The following ZNF362 variants were observed in gnomAD, a reference collection of about 807,000 sequenced individuals.
ZNF362 encodes rotund homolog.
A neutral mutation model predicts 42.9 loss-of-function variants in ZNF362; 11 were observed. The ratio of observed to expected loss-of-function variants is 0.26; its 90% confidence interval spans 0.16 to 0.42. The LOEUF (loss-of-function observed/expected upper bound fraction) is 0.42, where lower values mean the gene tolerates loss of function less well. Ranked by LOEUF, ZNF362 falls within the 20% of genes least tolerant of loss-of-function variation. ZNF362 has a pLI of 1.00. For missense variants in ZNF362, 362 were observed against 576.2 expected, an observed-to-expected ratio of 0.63 and a Z score of 3.81; for synonymous variants, 255 against 257.3, an observed-to-expected ratio of 0.99 and a Z score of 0.09.
the ZNF362 span, among the ~76,000 whole-genome samples, chr1:33,205,135 TTG>T: frequency 2.7e-4 from 41 of 151,170 alleles, no homozygotes; most frequent in Admixed American, 6.6e-4. Context: ...CTGTGTGTTT[TTG>T]TGTGTGTGTG....
At chr1:33,174,009 T>C in the ZNF362 span, among the ~76,000 whole-genome samples, 23 of 152,090 alleles carry the variant, frequency 1.5e-4, no homozygotes, top group African/African-American at 5.1e-4. Flanking sequence ...TTAGCCTCTT[T>C]TTAAAAAAAA....
In ZNF362 at chr1:33,266,718, C is replaced by T. The variant is rs118118225; in HGVS notation, c.-88-3769C>T. On this transcript the variant is annotated intron_variant, in intron 1 of 8. Coordinates refer to ENST00000539719, the MANE Select transcript of ZNF362 (RefSeq NM_152493.3). The surrounding 1 kb of genome is among the most constrained non-coding windows in gnomAD (Gnocchi z 4.3). ...TGCCAGCTGAGCAGAGTTTTGAGGG[C>T]AGGGTTCCAGCTGGGTGGTATGGCT... Among the ~76,000 whole-genome samples the T allele has an allele frequency of 7.3e-4, 111 of 152,242 alleles. 1 individual carries two copies. In the East Asian group the frequency reaches 0.018, roughly 24 times the overall value.
the ZNF362 span, among the ~76,000 whole-genome samples, chr1:33,136,146 C>G: frequency 6.7e-6 from 1 of 148,404 alleles, no homozygotes; most frequent in Non-Finnish European, 1.5e-5. Context: ...TTCCTTCCTT[C>G]CTTCCTTCCT....
the ZNF362 span, among the ~76,000 whole-genome samples, chr1:33,194,277 C>T: frequency 7.2e-5 from 11 of 151,964 alleles, no homozygotes; most frequent in Non-Finnish European, 1.5e-4. Flanking sequence ...GGCTCACACC[C>T]GTAATCCCAG....
intron 8 of ZNF362, among the ~76,000 whole-genome samples, chr1:33,296,497 T>G (rs1570414300): frequency 6.6e-6 from 1 of 152,046 alleles, no homozygotes; most frequent in Non-Finnish European, 1.5e-5. Context: ...TCACCTCAAT[T>G]GAGAACCACT....
chr1:33,254,950 G>T (rs1645777557), upstream of ZNF362, among the ~76,000 whole-genome samples: 1 of 152,204 alleles, frequency 6.6e-6, no homozygotes, highest in African/African-American at 2.4e-5. Flanking sequence ...GAAACTGGAA[G>T]GCCTTCCTTT....
chr1:33,141,171 C>G, the ZNF362 span, among the ~76,000 whole-genome samples: 1 of 152,042 alleles, frequency 6.6e-6, no homozygotes, highest in East Asian at 1.9e-4. Flanking sequence ...TTGCCCCCTC[C>G]TTCTCCTCTC....
intron 6 of ZNF362, among the ~76,000 whole-genome samples, chr1:33,289,874 C>T (rs1401124730): frequency 1.3e-5 from 2 of 152,098 alleles, no homozygotes; most frequent in Non-Finnish European, 1.5e-5. Flanking sequence ...TTGTTTCCTG[C>T]GAGGTGGGCC....
At chr1:33,204,194 A>C in the ZNF362 span, among the ~76,000 whole-genome samples, 1 of 152,034 alleles carries the variant, frequency 6.6e-6, no homozygotes, top group African/African-American at 2.4e-5. Context: ...GGCATGTGGA[A>C]ATCTAGTTTT....
the ZNF362 span, among the ~76,000 whole-genome samples, chr1:33,151,353 A>G: frequency 6.6e-6 from 1 of 152,012 alleles, no homozygotes; most frequent in African/African-American, 2.4e-5. Context: ...GGAGACTTCT[A>G]TACCCCAAGG....
At chr1:33,278,404 C>T (rs148305211) in intron 4 of ZNF362, among the ~76,000 whole-genome samples, 2 of 152,126 alleles carry the variant, frequency 1.3e-5, no homozygotes, top group Admixed American at 6.5e-5. Context: ...TGGAAATTGC[C>T]GATAAGCTGA....
At chr1:33,283,115 C>G (rs949238138) in intron 6 of ZNF362, among the ~76,000 whole-genome samples, 7 of 151,958 alleles carry the variant, frequency 4.6e-5, no homozygotes, top group African/African-American at 1.7e-4. Context: ...GTTTTGAGGA[C>G]TAATACTATA....
the ZNF362 span, among the ~76,000 whole-genome samples, chr1:33,140,495 A>G: frequency 1.3e-5 from 2 of 152,218 alleles, no homozygotes; most frequent in Non-Finnish European, 2.9e-5. The surrounding 1 kb of genome is among the most constrained non-coding windows in gnomAD (Gnocchi z 4.0). Flanking sequence ...AAGCAGGCAC[A>G]GGGGCTCAGC....
At chr1:33,164,694 G>A in the ZNF362 span, 3 of 152,276 alleles carry the variant, frequency 2.0e-5, no homozygotes, top group Non-Finnish European at 4.4e-5. Context: ...AAGGGGAGAT[G>A]ATACCAGGGC....
intron 6 of ZNF362, among the ~76,000 whole-genome samples, chr1:33,288,956 C>T (rs1203892578): frequency 6.6e-6 from 1 of 152,068 alleles, no homozygotes. Flanking sequence ...GTAGCCTGGT[C>T]CTTCCTTATC....
the ZNF362 span, among the ~76,000 whole-genome samples, chr1:33,238,115 A>G: frequency 0.64 from 97,852 of 151,736 alleles, 32,078 homozygotes; most frequent in Middle Eastern, 0.7. Context: ...TCAGGCGTTC[A>G]AGACCAGCCT....
chr1:33,270,181 A>G (rs1488865875), intron 1 of ZNF362, among the ~76,000 whole-genome samples: 1 of 152,162 alleles, frequency 6.6e-6, no homozygotes, highest in Non-Finnish European at 1.5e-5. Flanking sequence ...ATGAGCACCA[A>G]CCCTACTTGT....
chr1:33,188,686 C>T, the ZNF362 span, among the ~76,000 whole-genome samples: 1 of 152,176 alleles, frequency 6.6e-6, no homozygotes, highest in African/African-American at 2.4e-5. Flanking sequence ...AGGTCAGCCT[C>T]GGCCAGAGGA....
chr1:33,156,768 T>C, the ZNF362 span, among the ~76,000 whole-genome samples: 1 of 152,236 alleles, frequency 6.6e-6, no homozygotes, highest in Non-Finnish European at 1.5e-5. Flanking sequence ...AGATAACTAA[T>C]TGGCATCACA....
Sources: gnomAD v4.1 joint callset for allele counts (sites outside exome capture counted in the v4.1 genomes callset) on GRCh38, gnomAD v4.1.1 for gene constraint, Gnocchi (gnomAD v3.1) non-coding constraint, MANE v1.5 for transcripts, NCBI Gene and HGNC (gene_info 2026-07-23, HGNC 2026-07-21) for gene names.